Variants in SORL1 observed in about 807,000 individuals in gnomAD.
The protein encoded by SORL1 is sortilin related receptor 1, also known as sortilin-related receptor.
SORL1 carries 127 observed loss-of-function variants against 273.7 expected under a neutral mutation model. The observed-to-expected ratio is 0.46, with a 90% CI of 0.40 to 0.54. The LOEUF is 0.54. Ranked by LOEUF, SORL1 falls within the 20% of genes least tolerant of loss-of-function variation. The probability of loss-of-function intolerance (pLI) is 0.00; values close to 1 mark genes in which losing one functional copy is unlikely to be tolerated. For missense variants in SORL1, 2,494 were observed against 2,846.1 expected, an observed-to-expected ratio of 0.88 and a Z score of 2.81; for synonymous variants, 1,031 against 1,067.4, an observed-to-expected ratio of 0.97 and a Z score of 0.66.
intron 32 of SORL1, among the ~76,000 whole-genome samples, chr11:121,597,160 T>A (rs1278973654): frequency 6.6e-6 from 1 of 152,196 alleles, no homozygotes; most frequent in Admixed American, 6.5e-5. Flanking sequence ...TGCTCTGTCC[T>A]AAATAGTTCA....
intron 9 of SORL1, among the ~76,000 whole-genome samples, chr11:121,521,400 T>C (rs2134856536): frequency 6.6e-6 from 1 of 152,300 alleles, no homozygotes; most frequent in East Asian, 1.9e-4. Context: ...GATCCTGGGA[T>C]AGTTGGGGCT....
intron 39 of SORL1, chr11:121,612,516 G>T: frequency 2.7e-6 from 1 of 370,184 alleles, no homozygotes; most frequent in Non-Finnish European, 5.0e-6. Context: ...AATTAAATAT[G>T]GTCTCGTTTG....
rs761108112 is a variant in SORL1 at position 121,563,911 on chromosome 11, T to C, written c.3050-3029T>C. Among the ~76,000 whole-genome samples, 6 of 152,176 alleles carry C rather than the reference T, an allele frequency of 3.9e-5. No individual in the cohort carries two copies. The highest frequency in any genetic ancestry group is 7.3e-5 in the Non-Finnish European group (5 of 68,028). On this transcript the variant is annotated intron_variant, in intron 21 of 47. Coordinates refer to ENST00000260197, the MANE Select transcript of SORL1 (RefSeq NM_003105.6). The surrounding 1 kb of genome is among the most constrained non-coding windows in gnomAD (Gnocchi z 4.2). The stretch of plus-strand genomic sequence containing the variant: ...CTATAATGAGGGCACATATTTATTA[T>C]TTGAGGTAGATTTGATTTTGATAAT...
chr11:121,515,682 C>T (rs981557848), intron 8 of SORL1, among the ~76,000 whole-genome samples: 5 of 152,130 alleles, frequency 3.3e-5, no homozygotes, highest in East Asian at 1.9e-4. Flanking sequence ...GATGGAGTCT[C>T]GCTCTGTCGC....
At chr11:121,584,852 C>A (rs1467869173) in intron 26 of SORL1, among the ~76,000 whole-genome samples, 1 of 152,274 alleles carries the variant, frequency 6.6e-6, no homozygotes, top group East Asian at 1.9e-4. Flanking sequence ...CCTTGGCCTC[C>A]CAAAGTGCTG....
At chr11:121,580,780 T>C (rs1468984650) in intron 25 of SORL1, among the ~76,000 whole-genome samples, 1 of 151,944 alleles carries the variant, frequency 6.6e-6, no homozygotes, top group African/African-American at 2.4e-5. Flanking sequence ...AATTTTTGTA[T>C]GTTTTGTAGA....
intron 5 of SORL1, among the ~76,000 whole-genome samples, chr11:121,490,399 C>T (rs1211332140): frequency 6.9e-6 from 1 of 145,178 alleles, no homozygotes; most frequent in African/African-American, 2.6e-5. Context: ...TGTAGAGTTT[C>T]ATTTTTAGAG....
intron 26 of SORL1, among the ~76,000 whole-genome samples, chr11:121,585,369 GC>G (rs1863080550): frequency 6.6e-6 from 1 of 152,082 alleles, no homozygotes; most frequent in Non-Finnish European, 1.5e-5. Flanking sequence ...TGTGGTCCCA[GC>G]TACTCAGGAG....
chr11:121,532,427 C>T lies in SORL1; in HGVS notation c.1597-37C>T, dbSNP rs377721996. 5.9e-5 allele frequency: 94 copies of T among 1,589,978 alleles called. No homozygotes were observed. In the African/African-American group the frequency reaches 9.5e-4, roughly 16 times the overall value. On this transcript the variant is annotated intron_variant, in intron 11 of 47. Transcript: ENST00000260197. ...TACATGGTTTCTGCACAATTACCTC[C>T]ACAGCAGTGGTGTCACCATGGATTT...
At chr11:121,588,332 T>TTG (rs2134896759) in intron 28 of SORL1, among the ~76,000 whole-genome samples, 181 bp downstream of exon 28, 1 of 152,336 alleles carries the variant, frequency 6.6e-6, no homozygotes, top group Admixed American at 6.5e-5. Context: ...GCATCCAAGC[T>TTG]TGCCTTTTCT....
At chr11:121,564,638 G>A (rs898570798) in intron 21 of SORL1, among the ~76,000 whole-genome samples, 20 of 152,024 alleles carry the variant, frequency 1.3e-4, no homozygotes, top group African/African-American at 3.4e-4. Context: ...GTGCAGTGGC[G>A]CCATCTCAGC....
At chr11:121,482,922 T>A (rs547175495) in intron 3 of SORL1, among the ~76,000 whole-genome samples, 1 of 152,112 alleles carries the variant, frequency 6.6e-6, no homozygotes, top group East Asian at 1.9e-4. Flanking sequence ...CCCATGTGAG[T>A]TTTGGGTCTA....
Position 121,480,961 on chromosome 11 carries a change from AG to A in SORL1, c.528+2720del, listed in dbSNP as rs544799876. On this transcript the variant is annotated intron_variant, in intron 3 of 47. Coordinates refer to ENST00000260197, the MANE Select transcript of SORL1 (RefSeq NM_003105.6). ...CCTCCCCTAGTGCACAGATACCTAT[AG>A]GCAAGCTCCATCTCCTCCTCCCCAG... is the stretch of plus-strand genomic sequence containing the variant. Among the ~76,000 whole-genome samples the A allele has an allele frequency of 6.3e-4, 75 of 118,934 alleles. 1 individual carries two copies. The highest frequency in any genetic ancestry group is 2.5e-3 in the African/African-American group (74 of 29,076). The allele number at this position is 118,934 out of a possible 152,430, so 78.0% of individuals were successfully genotyped here.
intron 26 of SORL1, 72 bp from the exon 27 acceptor site, chr11:121,586,150 C>T (rs1042327122): frequency 1.0e-4 from 126 of 1,244,418 alleles, no homozygotes; most frequent in Middle Eastern, 2.5e-4. Context: ...TGTGTACTCC[C>T]GCCAGCACTG....
At chr11:121,615,082 A>G in intron 41 of SORL1, 27 bp downstream of exon 41, 2 of 1,571,462 alleles carry the variant, frequency 1.3e-6, no homozygotes, top group East Asian at 4.5e-5. Context: ...GACCATCACA[A>G]AGTGAGTGTG....
intron 18 of SORL1, chr11:121,557,000 C>T (rs1171415010): frequency 6.0e-6 from 2 of 332,708 alleles, no homozygotes; most frequent in Non-Finnish European, 5.6e-6. Flanking sequence ...AGTAAATGCT[C>T]ATTTGCTTAT....
At chr11:121,576,731 C>T in intron 24 of SORL1, 2 of 1,450,112 alleles carry the variant, frequency 1.4e-6, no homozygotes, top group Admixed American at 2.6e-5. Context: ...AGAGACAGCG[C>T]ATCCACCCGT....
intron 38 of SORL1, chr11:121,610,251 A>C (rs780803514): frequency 3.3e-5 from 5 of 152,202 alleles, no homozygotes; most frequent in Non-Finnish European, 7.3e-5. Context: ...GCTCTTTTAG[A>C]TCATGCTGGG....
intron 2 of SORL1, among the ~76,000 whole-genome samples, chr11:121,474,300 C>T (rs1417250409): frequency 6.6e-6 from 1 of 151,750 alleles, no homozygotes; most frequent in Non-Finnish European, 1.5e-5. Context: ...TCAGAACCTG[C>T]ACTTGACCAG....
Sources: allele counts gnomAD v4.1 joint callset (sites outside exome capture counted in the v4.1 genomes callset), GRCh38; gene constraint gnomAD v4.1.1; non-coding constraint Gnocchi (gnomAD v3.1); transcripts MANE v1.5; gene names NCBI Gene and HGNC (gene_info 2026-07-23, HGNC 2026-07-21).